The following CTNNA2 variants were observed in gnomAD, a reference collection of about 807,000 sequenced individuals.
The protein encoded by CTNNA2 is catenin alpha-2.
A neutral mutation model predicts 101.0 loss-of-function variants in CTNNA2; 42 were observed. That is an observed-to-expected ratio of 0.42 (90% CI 0.32 to 0.54). CTNNA2 has a LOEUF of 0.54. Ranked by LOEUF, CTNNA2 falls within the 20% of genes least tolerant of loss-of-function variation. The pLI is 0.14. For synonymous variants in CTNNA2, 450 were observed against 456.4 expected (o/e 0.99, Z 0.18); for missense variants, 871 against 1,223.1 (o/e 0.71, Z 4.29).
intron 9 of CTNNA2, among the ~76,000 whole-genome samples, chr2:80,447,571 G>A (rs1683176286): frequency 1.3e-5 from 2 of 152,188 alleles, no homozygotes; most frequent in Admixed American, 6.5e-5. Flanking sequence ...TGCTGCAAGA[G>A]GAGAATGTTT....
At chr2:80,481,457 G>T (rs559728740) in intron 9 of CTNNA2, among the ~76,000 whole-genome samples, 1 of 152,124 alleles carries the variant, frequency 6.6e-6, no homozygotes, top group African/African-American at 2.4e-5. Flanking sequence ...CACGGTAAAG[G>T]CTTAATACAT....
chr2:80,279,687 A>G (rs1418334148), intron 7 of CTNNA2, among the ~76,000 whole-genome samples: 1 of 152,132 alleles, frequency 6.6e-6, no homozygotes, highest in African/African-American at 2.4e-5. Flanking sequence ...TCTGTGGCAG[A>G]GGACTTTTCA....
intron 8 of CTNNA2, among the ~76,000 whole-genome samples, chr2:80,397,048 G>A (rs1678084949): frequency 6.6e-6 from 1 of 152,196 alleles, no homozygotes; most frequent in African/African-American, 2.4e-5. Context: ...AATGTTTAAA[G>A]GCTGATTCAT....
chr2:79,287,499 T>C (rs897048800), intron 2 of CTNNA2, among the ~76,000 whole-genome samples: 1 of 151,736 alleles, frequency 6.6e-6, no homozygotes, highest in Non-Finnish European at 1.5e-5. Context: ...TGCAGGTCTA[T>C]TGGAGTACCC....
chr2:80,467,286 G>GA (rs1057145054), intron 9 of CTNNA2, among the ~76,000 whole-genome samples: 1 of 151,938 alleles, frequency 6.6e-6, no homozygotes, highest in African/African-American at 2.4e-5. Flanking sequence ...GAAAGATAAG[G>GA]AAAAAAGAAT....
chr2:80,308,464 G>C (rs1312183404), intron 7 of CTNNA2, among the ~76,000 whole-genome samples: 1 of 152,190 alleles, frequency 6.6e-6, no homozygotes, highest in Non-Finnish European at 1.5e-5. Context: ...AATTGGCGGA[G>C]AGTGGGAGTC....
At chr2:80,459,000 GTT>G (rs1684207561) in intron 9 of CTNNA2, among the ~76,000 whole-genome samples, 1 of 152,092 alleles carries the variant, frequency 6.6e-6, no homozygotes. Flanking sequence ...ACTTTTCTAT[GTT>G]TAGATACGCT....
intron 1 of CTNNA2, among the ~76,000 whole-genome samples, chr2:79,624,288 G>A (rs1364180635): frequency 6.6e-6 from 1 of 151,982 alleles, no homozygotes; most frequent in Non-Finnish European, 1.5e-5. Context: ...GCAAACAGCT[G>A]TAAATTTGGA....
At chr2:80,531,643 A>G (rs1409072051) in intron 9 of CTNNA2, among the ~76,000 whole-genome samples, 2 of 152,080 alleles carry the variant, frequency 1.3e-5, no homozygotes, top group African/African-American at 4.8e-5. Context: ...CTCCATGCCT[A>G]TCTCCTCCTG....
intron 9 of CTNNA2, among the ~76,000 whole-genome samples, chr2:80,458,151 G>T (rs1684136733): frequency 6.6e-6 from 1 of 152,110 alleles, no homozygotes. Context: ...AGTCTTTGAA[G>T]AAATAAATAA....
intron 3 of CTNNA2, among the ~76,000 whole-genome samples, chr2:79,847,872 T>C (rs563160100): frequency 6.6e-6 from 1 of 152,322 alleles, no homozygotes; most frequent in South Asian, 2.1e-4. Flanking sequence ...GCGTTATCTC[T>C]GCTTGTCCAA....
intron 2 of CTNNA2, among the ~76,000 whole-genome samples, chr2:79,692,754 T>C (rs1684393116): frequency 1.3e-5 from 2 of 151,760 alleles, no homozygotes; most frequent in South Asian, 4.2e-4. Flanking sequence ...ACCATCATTC[T>C]CAGCAAACTA....
At chr2:80,352,419 C>T (rs1025340508) in intron 7 of CTNNA2, among the ~76,000 whole-genome samples, 3 of 152,058 alleles carry the variant, frequency 2.0e-5, no homozygotes, top group East Asian at 1.9e-4. Context: ...CTGATATTTC[C>T]GCTGGTCAGT....
intron 7 of CTNNA2, among the ~76,000 whole-genome samples, chr2:79,929,582 G>A (rs968019325): frequency 6.6e-6 from 1 of 152,148 alleles, no homozygotes; most frequent in Non-Finnish European, 1.5e-5. Context: ...TAAAACATGA[G>A]GCTGAACTTT....
At chr2:80,313,672 G>A in intron 7 of CTNNA2, 2 of 1,579,564 alleles carry the variant, frequency 1.3e-6, no homozygotes, top group Non-Finnish European at 1.7e-6. Context: ...GGAGAAGGGG[G>A]TAAGAAAGGA....
At chr2:79,722,266 T>TA (rs1158589528) in intron 2 of CTNNA2, among the ~76,000 whole-genome samples, 4 of 152,200 alleles carry the variant, frequency 2.6e-5, no homozygotes, top group African/African-American at 9.7e-5. Context: ...ATTTGTTTTA[T>TA]TAAGCCAAAT....
intron 7 of CTNNA2, among the ~76,000 whole-genome samples, chr2:80,159,269 G>A (rs2148941721): frequency 6.6e-6 from 1 of 152,302 alleles, no homozygotes; most frequent in Middle Eastern, 3.4e-3. Context: ...GTACAGATAT[G>A]TTCCCTATAT....
intron 7 of CTNNA2, among the ~76,000 whole-genome samples, chr2:79,974,153 C>CCTTGGGAAA (rs1339742210): frequency 6.6e-6 from 1 of 151,968 alleles, no homozygotes; most frequent in Non-Finnish European, 1.5e-5. Context: ...AGGTGTATCA[C>CCTTGGGAAA]CTTGGGAAAC....
At chr2:79,884,386 C>T (rs1255874603) in intron 6 of CTNNA2, among the ~76,000 whole-genome samples, 1 of 152,180 alleles carries the variant, frequency 6.6e-6, no homozygotes, top group Non-Finnish European at 1.5e-5. Context: ...CCACAATCCT[C>T]TATGCTAACC....
Sources: gnomAD v4.1 joint callset for allele counts (sites outside exome capture counted in the v4.1 genomes callset) on GRCh38, gnomAD v4.1.1 for gene constraint, MANE v1.5 for transcripts, NCBI Gene and HGNC (gene_info 2026-07-23, HGNC 2026-07-21) for gene names.